Variants in SUGCT observed in about 807,000 individuals in gnomAD.
SUGCT encodes the protein succinyl-CoA:glutarate-CoA transferase, also known as succinyl-CoA:glutarate CoA-transferase.
Under a neutral mutation model 55.0 loss-of-function variants are expected in SUGCT, and 41 were observed. The observed-to-expected ratio is 0.74, with a 90% CI of 0.58 to 0.97. The LOEUF (loss-of-function observed/expected upper bound fraction) is 0.97. Ranked by LOEUF, SUGCT falls within the 50% of genes least tolerant of loss-of-function variation. The probability of loss-of-function intolerance (pLI) is 0.00; values close to 1 mark genes in which losing one functional copy is unlikely to be tolerated. For missense variants in SUGCT, 568 were observed against 547.8 expected (o/e 1.04, Z -0.37); for synonymous variants, 187 against 200.4 (o/e 0.93, Z 0.56).
chr7:41,038,765 T>C, the SUGCT span, among the ~76,000 whole-genome samples: 8 of 152,078 alleles, frequency 5.3e-5, no homozygotes, highest in African/African-American at 1.4e-4. Context: ...CACATTGGGC[T>C]CCATCTCTCT....
At chr7:40,897,876 T>C in the SUGCT span, among the ~76,000 whole-genome samples, 1 of 151,970 alleles carries the variant, frequency 6.6e-6, no homozygotes, top group Admixed American at 6.6e-5. Flanking sequence ...AACAGACCAA[T>C]CAGCTCTCTG....
intron 12 of SUGCT, among the ~76,000 whole-genome samples, chr7:40,691,223 G>A (rs1426882924): frequency 6.6e-6 from 1 of 152,100 alleles, no homozygotes; most frequent in Non-Finnish European, 1.5e-5. Flanking sequence ...TGGGCTCAAG[G>A]TCAATCAATA....
At chr7:40,168,229 C>T (rs959744580) in intron 1 of SUGCT, among the ~76,000 whole-genome samples, 8 of 152,116 alleles carry the variant, frequency 5.3e-5, no homozygotes, top group Non-Finnish European at 1.2e-4. Flanking sequence ...TCTCAGTACC[C>T]CCCAACAGGA....
intron 9 of SUGCT, among the ~76,000 whole-genome samples, chr7:40,419,416 A>ACTGTGTTTCC (rs1787185766): frequency 6.6e-6 from 1 of 152,222 alleles, no homozygotes; most frequent in African/African-American, 2.4e-5. Flanking sequence ...AAAAGGGAAA[A>ACTGTGTTTCC]AATAATTTTG....
chr7:40,187,692 C>G (rs10280275), intron 3 of SUGCT, among the ~76,000 whole-genome samples: 1 of 152,134 alleles, frequency 6.6e-6, no homozygotes, highest in Non-Finnish European at 1.5e-5. Context: ...GAGGCCTAGG[C>G]GGCTGGGTCA....
intron 12 of SUGCT, among the ~76,000 whole-genome samples, chr7:40,745,146 G>A (rs1787668687): frequency 6.6e-6 from 1 of 152,168 alleles, no homozygotes. Context: ...ACAGTGAATA[G>A]ATAGGTCAGT....
the SUGCT span, chr7:40,966,835 T>C: frequency 5.9e-5 from 9 of 152,216 alleles, no homozygotes; most frequent in African/African-American, 2.2e-4. Context: ...GACTGCCACA[T>C]TGGAAAATGA....
At chr7:40,188,898 A>T (rs1197422124) in intron 4 of SUGCT, among the ~76,000 whole-genome samples, 1 of 152,198 alleles carries the variant, frequency 6.6e-6, no homozygotes, top group Non-Finnish European at 1.5e-5. Flanking sequence ...TCGGTATTAT[A>T]CTTTAAAAAC....
chr7:40,768,369 T>C (rs1446608326), intron 13 of SUGCT, among the ~76,000 whole-genome samples: 1 of 151,854 alleles, frequency 6.6e-6, no homozygotes, highest in East Asian at 1.9e-4. Flanking sequence ...TTTCCTAGAG[T>C]CCTCAATGGC....
At chr7:40,600,921 A>G (rs916588436) in intron 12 of SUGCT, among the ~76,000 whole-genome samples, 8 of 152,156 alleles carry the variant, frequency 5.3e-5, no homozygotes, top group Non-Finnish European at 8.8e-5. Flanking sequence ...TAAGGTACTT[A>G]TGTTCAACAC....
intron 9 of SUGCT, among the ~76,000 whole-genome samples, chr7:40,370,455 G>A (rs984151690): frequency 6.6e-5 from 10 of 152,052 alleles, no homozygotes; most frequent in African/African-American, 2.4e-4. Context: ...CCCATATGAA[G>A]TTGGTTGCTT....
chr7:40,972,994 C>T, the SUGCT span, among the ~76,000 whole-genome samples: 1,849 of 152,318 alleles, frequency 0.012, 27 homozygotes, highest in African/African-American at 0.042. Flanking sequence ...GCACTCAGAT[C>T]CATGTTGGCA....
intron 9 of SUGCT, among the ~76,000 whole-genome samples, chr7:40,385,427 T>C (rs984447905): frequency 6.6e-6 from 1 of 152,158 alleles, no homozygotes; most frequent in African/African-American, 2.4e-5. Context: ...GATGAGTACT[T>C]TAAGTATAGT....
the SUGCT span, among the ~76,000 whole-genome samples, chr7:40,887,884 A>G: frequency 3.3e-5 from 5 of 152,276 alleles, no homozygotes; most frequent in South Asian, 1.0e-3. Context: ...GGAATGTGGT[A>G]CCGGAAAGTG....
rs139799394 is a variant in SUGCT at position 40,753,113 on chromosome 7, G to T, written c.1153+3616G>T. Among the ~76,000 whole-genome samples the T allele has an allele frequency of 3.9e-5, 6 of 152,250 alleles. No individual in the cohort carries two copies. The East Asian group carries it at 1.2e-3, about 29-fold the overall frequency. On this transcript the variant is annotated intron_variant, in intron 13 of 13. Transcript: ENST00000335693. ...AGAGGCTATTGTATCTCCTAATTCA[G>T]TATATCCCAATAAGAGGCCACATAA... is the stretch of plus-strand genomic sequence containing the variant.
At chr7:40,522,865 T>G (rs1022657349) in intron 12 of SUGCT, among the ~76,000 whole-genome samples, 1 of 152,112 alleles carries the variant, frequency 6.6e-6, no homozygotes, top group Non-Finnish European at 1.5e-5. Flanking sequence ...TAGGTGAGGC[T>G]CTTAAGAAAT....
At chr7:40,430,594 G>A (rs1787840691) in intron 9 of SUGCT, among the ~76,000 whole-genome samples, 1 of 152,076 alleles carries the variant, frequency 6.6e-6, no homozygotes, top group Non-Finnish European at 1.5e-5. Context: ...TGCATAGATT[G>A]TTTTCCCAAT....
At chr7:40,622,115 G>A (rs965193681) in intron 12 of SUGCT, among the ~76,000 whole-genome samples, 2 of 152,110 alleles carry the variant, frequency 1.3e-5, no homozygotes, top group South Asian at 2.1e-4. Flanking sequence ...CCAGAAATTC[G>A]GATTCATTTG....
rs544568962 is a variant in SUGCT at position 40,246,606 on chromosome 7, T to G, written c.576+8880T>G. Among the ~76,000 whole-genome samples the G allele has an allele frequency of 3.3e-5, 5 of 151,662 alleles. No homozygotes were observed. The East Asian group carries it at 5.8e-4, about 18-fold the overall frequency. On this transcript the variant is annotated intron_variant, in intron 7 of 13. Transcript: ENST00000335693. ...TGTTTAATTGAAGGCTTGCTTTTTT[T>G]TTTTTTTTGAGAAGGAGTCTCACTC...
Sources: gnomAD v4.1 joint callset for allele counts (sites outside exome capture counted in the v4.1 genomes callset) on GRCh38, gnomAD v4.1.1 for gene constraint, MANE v1.5 for transcripts, NCBI Gene and HGNC (gene_info 2026-07-23, HGNC 2026-07-21) for gene names.